STK3: variants seen among roughly 807,000 people sequenced by gnomAD.
STK3 encodes the protein serine/threonine kinase 3.
In STK3, 41 loss-of-function variants were observed where a neutral mutation model predicts 58.0. The observed-to-expected ratio is 0.71, with a 90% CI of 0.55 to 0.92. STK3 has a LOEUF of 0.92. STK3 is among the 40% of genes least tolerant of loss of function. The pLI, the probability that STK3 is intolerant of heterozygous loss-of-function variation, is 0.00. For synonymous variants in STK3, 170 were observed against 191.0 expected, an observed-to-expected ratio of 0.89 and a Z score of 0.91; for missense variants, 479 against 602.7, an observed-to-expected ratio of 0.79 and a Z score of 2.15.
At chr8:98,515,249 A>G (rs73275828) in intron 10 of STK3, among the ~76,000 whole-genome samples, 2 of 152,040 alleles carry the variant, frequency 1.3e-5, no homozygotes, top group African/African-American at 4.8e-5. Flanking sequence ...TTAGCTATCC[A>G]TTACTCATAG....
chr8:98,675,366 G>C (rs1823123553), intron 6 of STK3, among the ~76,000 whole-genome samples: 1 of 152,120 alleles, frequency 6.6e-6, no homozygotes, highest in Admixed American at 6.5e-5. Context: ...TCAACCTAAA[G>C]ATGTGATTTT....
chr8:98,411,117 C>T (rs890320061), intron 3 of STK3, among the ~76,000 whole-genome samples: 1 of 152,180 alleles, frequency 6.6e-6, no homozygotes, highest in Admixed American at 6.5e-5. Context: ...ATTTGAGTGT[C>T]CTCATGGCCT....
At chr8:98,672,267 T>C (rs1414489787) in intron 6 of STK3, among the ~76,000 whole-genome samples, 1 of 140,408 alleles carries the variant, frequency 7.1e-6, no homozygotes, top group Non-Finnish European at 1.5e-5. Context: ...TGTGGGGGGT[T>C]AGGGGGTTAG....
intron 3 of STK3, among the ~76,000 whole-genome samples, chr8:98,751,809 G>A (rs895937745): frequency 2.9e-4 from 44 of 152,136 alleles, no homozygotes; most frequent in East Asian, 1.4e-3. Flanking sequence ...GCATGGTGGC[G>A]CATGCCTGTA....
At position 98,566,065 on chromosome 8, in the gene STK3, C is replaced by G. The variant is rs368119394; in HGVS notation, c.948+13599G>C. 4.6e-5 allele frequency among the ~76,000 whole-genome samples: 7 copies of G among 152,206 alleles called. No individual in the cohort carries two copies. The South Asian group carries it at 1.5e-3, about 32-fold the overall frequency. On this transcript the variant is annotated intron_variant, in intron 8 of 10. Coordinates refer to ENST00000419617, the MANE Select transcript of STK3 (RefSeq NM_006281.4). ...TAATTTTAGAAATCTGTACAATTAC[C>G]TCAGCACCTATCAAAACATGTCAAT...
At position 98,676,143 on chromosome 8, in the gene STK3, G is replaced by A. The variant is rs1823192812; in HGVS notation, c.684+30324C>T. On this transcript the variant is annotated intron_variant, in intron 6 of 10. Transcript: ENST00000419617. ...ATATTTCTTGATTCCACTTACATGA[G>A]GTACCCAGAATAGTCAGATTTATAG... Among the ~76,000 whole-genome samples, 3 of 152,086 alleles carry A rather than the reference G, an allele frequency of 2.0e-5. No individual in the cohort carries two copies. In the South Asian group the frequency reaches 6.2e-4, roughly 32 times the overall value.
intron 1 of STK3, among the ~76,000 whole-genome samples, chr8:98,934,321 GA>G (rs1378332556): frequency 6.6e-6 from 1 of 152,166 alleles, no homozygotes; most frequent in Non-Finnish European, 1.5e-5. Flanking sequence ...CTGACAAAAG[GA>G]ATGCTGCCAT....
chr8:98,616,430 C>G (rs1274562731), intron 6 of STK3, among the ~76,000 whole-genome samples: 1 of 148,324 alleles, frequency 6.7e-6, no homozygotes, highest in African/African-American at 2.5e-5. Flanking sequence ...CAGCTAACAT[C>G]ATCATGACAG....
chr8:98,650,977 T>G (rs916086907), intron 6 of STK3, among the ~76,000 whole-genome samples: 1 of 152,248 alleles, frequency 6.6e-6, no homozygotes, highest in Non-Finnish European at 1.5e-5. Context: ...TGAACAGCTT[T>G]GAAGACAGCA....
chr8:98,496,666 T>A (rs1238607482), intron 10 of STK3, among the ~76,000 whole-genome samples: 1 of 152,146 alleles, frequency 6.6e-6, no homozygotes, highest in Non-Finnish European at 1.5e-5. Context: ...TTTGTCACAC[T>A]ACAATATTGA....
intron 10 of STK3, among the ~76,000 whole-genome samples, chr8:98,513,400 T>C (rs998585745): frequency 6.6e-6 from 1 of 152,140 alleles, no homozygotes. Context: ...AAAGACACGT[T>C]GTGGTTTCCT....
Position 98,455,763 on chromosome 8 carries a change from TA to T in STK3, c.*78del. On this transcript the variant is annotated 3_prime_UTR_variant, in exon 11 of 11. Coordinates refer to ENST00000419617, the MANE Select transcript of STK3 (RefSeq NM_006281.4). ...TAATTGTAGGGCAAAATCTTAGGAT[TA>T]AAAATATCCAAATATTCCTTCAATT... is the stretch of plus-strand genomic sequence containing the variant. The T allele has an allele frequency of 6.5e-7, 1 of 1,546,900 alleles. No individual in the cohort carries two copies. Among genetic ancestry groups the T allele is most frequent in the Non-Finnish European group, 8.8e-7 (1 of 1,141,292 alleles).
chr8:98,511,505 G>T (rs1046682512), intron 10 of STK3, among the ~76,000 whole-genome samples: 1 of 151,966 alleles, frequency 6.6e-6, no homozygotes, highest in Non-Finnish European at 1.5e-5. Flanking sequence ...CTAAATACAA[G>T]AAGCTAAATA....
At chr8:98,745,770 A>C (rs991513863) in intron 4 of STK3, among the ~76,000 whole-genome samples, 1 of 152,162 alleles carries the variant, frequency 6.6e-6, no homozygotes, top group African/African-American at 2.4e-5. Flanking sequence ...ACCATATCCT[A>C]GATGTAAAGG....
At chr8:98,570,668 C>CA (rs1182807517) in intron 8 of STK3, among the ~76,000 whole-genome samples, 3 of 151,838 alleles carry the variant, frequency 2.0e-5, no homozygotes, top group Admixed American at 6.6e-5. Context: ...ATAACAAAAA[C>CA]AAAAAACCTG....
intron 1 of STK3, among the ~76,000 whole-genome samples, chr8:98,788,206 G>A (rs1242982426): frequency 2.0e-5 from 3 of 152,038 alleles, no homozygotes; most frequent in African/African-American, 4.8e-5. Flanking sequence ...CTGGGAGGCC[G>A]AGGCAGGCAG....
intron 1 of STK3, among the ~76,000 whole-genome samples, chr8:98,885,343 T>A (rs1057136528): frequency 6.6e-6 from 1 of 152,354 alleles, no homozygotes; most frequent in South Asian, 2.1e-4. Flanking sequence ...AAGCCAAACT[T>A]TACCCTCTCT....
intron 3 of STK3, among the ~76,000 whole-genome samples, chr8:98,837,363 CAA>C (rs533620773): frequency 2.8e-4 from 18 of 63,276 alleles, no homozygotes; most frequent in South Asian, 5.5e-4. Context: ...TGGAGCTCAG[CAA>C]AAAAAAAAAA....
intron 1 of STK3, among the ~76,000 whole-genome samples, chr8:98,439,485 A>G (rs1269030502): frequency 6.6e-6 from 1 of 152,174 alleles, no homozygotes; most frequent in African/African-American, 2.4e-5. Context: ...GACATCCAGA[A>G]CTGAGGAAAG....
Sources: allele counts gnomAD v4.1 joint callset (sites outside exome capture counted in the v4.1 genomes callset), GRCh38; gene constraint gnomAD v4.1.1; transcripts MANE v1.5; gene names NCBI Gene and HGNC (gene_info 2026-07-23, HGNC 2026-07-21).